The following CDH4 variants were observed in gnomAD, a reference collection of about 807,000 sequenced individuals.
The protein encoded by CDH4 is cadherin 4, also known as cadherin-4.
CDH4 carries 33 observed loss-of-function variants against 86.0 expected under a neutral mutation model. The observed-to-expected ratio is 0.38, with a 90% CI of 0.29 to 0.51. The LOEUF (loss-of-function observed/expected upper bound fraction) is 0.51. CDH4 is among the 20% of genes least tolerant of loss of function. The probability of loss-of-function intolerance (pLI) is 0.86; values close to 1 mark genes in which losing one functional copy is unlikely to be tolerated. For missense variants in CDH4, 1,114 were observed against 1,307.4 expected, an observed-to-expected ratio of 0.85 and a Z score of 2.28; for synonymous variants, 555 against 549.4, an observed-to-expected ratio of 1.01 and a Z score of -0.14.
At chr20:61,320,251 G>A (rs777739147) in intron 2 of CDH4, among the ~76,000 whole-genome samples, 3 of 152,118 alleles carry the variant, frequency 2.0e-5, no homozygotes, top group Non-Finnish European at 2.9e-5. Context: ...TTCTCCCTGC[G>A]TTCCTTGTTT....
At position 61,663,912 on chromosome 20, in the gene CDH4, C is replaced by T. The variant is rs139980483; in HGVS notation, c.170-79651C>T. ...CCGCTGGCGCCAGCATCTGTGCCCG[C>T]GGCAGTTTAGAGTGACACTGTCCTC... On this transcript the variant is annotated intron_variant, in intron 2 of 15. Coordinates refer to ENST00000614565, the MANE Select transcript of CDH4 (RefSeq NM_001794.5). This position sits in a 1 kb window ranked among gnomAD's most constrained non-coding sequence, Gnocchi z 5.0. Among the ~76,000 whole-genome samples, 138 of 152,284 alleles carry T rather than the reference C, an allele frequency of 9.1e-4. No homozygotes were observed. The highest frequency in any genetic ancestry group is 1.6e-3 in the Non-Finnish European group (112 of 68,010).
At chr20:61,743,138 A>G (rs6061789) in intron 2 of CDH4, among the ~76,000 whole-genome samples, 110,810 of 152,172 alleles carry the variant, frequency 0.73, 41,007 homozygotes, top group African/African-American at 0.85. Flanking sequence ...GTGGAAAAAC[A>G]GGTCCATTAG....
In CDH4 at chr20:61,783,106, A is replaced by G. The variant is rs114942711; in HGVS notation, c.576+9924A>G. 9.9e-3 allele frequency among the ~76,000 whole-genome samples: 1,514 copies of G among 152,330 alleles called. 23 individuals are homozygous for G. Among genetic ancestry groups the G allele is most frequent in the African/African-American group, 0.034 (1,433 of 41,562 alleles). ...TTTCAAAAAAAAAGAATTTCTTTATATATGCGTCAATGAAAACTGTTAGTC... is the reference window on the plus strand; with the variant it reads ...TTTCAAAAAAAAAGAATTTCTTTATGTATGCGTCAATGAAAACTGTTAGTC... On this transcript the variant is annotated intron_variant, in intron 4 of 15. Coordinates refer to ENST00000614565, the MANE Select transcript of CDH4 (RefSeq NM_001794.5).
intron 2 of CDH4, among the ~76,000 whole-genome samples, chr20:61,349,913 G>A (rs1032856033): frequency 2.6e-5 from 4 of 152,172 alleles, no homozygotes; most frequent in South Asian, 2.1e-4. Context: ...CCATTCGAGC[G>A]AGTGGTGGCC....
chr20:61,593,786 A>AC (rs960160064), intron 2 of CDH4, among the ~76,000 whole-genome samples: 2 of 150,210 alleles, frequency 1.3e-5, no homozygotes, highest in Non-Finnish European at 3.0e-5. Flanking sequence ...ACATAGTAGA[A>AC]CCCCCTGGGG....
intron 4 of CDH4, among the ~76,000 whole-genome samples, chr20:61,817,830 T>C (rs1334978013): frequency 6.6e-6 from 1 of 152,144 alleles, no homozygotes; most frequent in African/African-American, 2.4e-5. Context: ...GCCAACGCAC[T>C]GCGAATGCCT....
chr20:61,559,048 G>C (rs1028008728), intron 2 of CDH4, among the ~76,000 whole-genome samples: 3 of 152,250 alleles, frequency 2.0e-5, no homozygotes, highest in African/African-American at 7.2e-5. Flanking sequence ...GCCGGGCGCA[G>C]TGGCTCACAC....
chr20:61,744,437 A>G (rs2088385202), intron 3 of CDH4, among the ~76,000 whole-genome samples: 1 of 74,496 alleles, frequency 1.3e-5, no homozygotes, highest in Non-Finnish European at 2.6e-5. Context: ...AAAGGGAGGG[A>G]GAGGAAGAGA....
At chr20:61,285,145 C>G (rs1207629540) in intron 2 of CDH4, among the ~76,000 whole-genome samples, 1 of 152,200 alleles carries the variant, frequency 6.6e-6, no homozygotes, top group Non-Finnish European at 1.5e-5. Context: ...GGCCGACAGC[C>G]AAGGCTCTAA....
At chr20:61,341,061 C>A (rs6071587) in intron 2 of CDH4, among the ~76,000 whole-genome samples, 1 of 152,024 alleles carries the variant, frequency 6.6e-6, no homozygotes, top group Non-Finnish European at 1.5e-5. Context: ...AACCCTTCCT[C>A]ACCTCCTTCC....
chr20:61,530,938 G>C (rs1263573809), intron 2 of CDH4, among the ~76,000 whole-genome samples: 2 of 152,182 alleles, frequency 1.3e-5, no homozygotes, highest in African/African-American at 4.8e-5. Context: ...CGAGGCCCTG[G>C]CTGTCAGGAC....
intron 3 of CDH4, among the ~76,000 whole-genome samples, chr20:61,747,399 G>A (rs1307453216): frequency 6.8e-6 from 1 of 147,520 alleles, no homozygotes; most frequent in African/African-American, 2.5e-5. Context: ...AGTGAGCCGA[G>A]TGAGCCACCG....
rs1286121824 is a variant in CDH4 at position 61,518,815 on chromosome 20, C to T, written c.170-224748C>T. Among the ~76,000 whole-genome samples, 1 of 151,986 alleles carries T rather than the reference C, an allele frequency of 6.6e-6. No homozygotes were observed. The highest frequency in any genetic ancestry group is 1.9e-4 in the East Asian group (1 of 5,190). On this transcript the variant is annotated intron_variant, in intron 2 of 15. Transcript: ENST00000614565. The surrounding 1 kb of genome is among the most constrained non-coding windows in gnomAD (Gnocchi z 6.3). ...TTCATTCATCCATCCACCCATCATC[C>T]ATCCATTAATCCATCATTCATCCAT... is the stretch of plus-strand genomic sequence containing the variant.
At chr20:61,547,686 G>A (rs944713522) in intron 2 of CDH4, among the ~76,000 whole-genome samples, 6 of 152,094 alleles carry the variant, frequency 3.9e-5, no homozygotes, top group African/African-American at 9.7e-5. Flanking sequence ...GAATGTTCCC[G>A]AGCTCCTGCC....
At chr20:61,600,230 T>G (rs1378942576) in intron 2 of CDH4, among the ~76,000 whole-genome samples, 1 of 152,182 alleles carries the variant, frequency 6.6e-6, no homozygotes, top group Non-Finnish European at 1.5e-5. Context: ...TGAAGAATGT[T>G]ATGGAGACAG....
chr20:61,298,299 G>A (rs1288090794), intron 2 of CDH4, among the ~76,000 whole-genome samples: 1 of 152,152 alleles, frequency 6.6e-6, no homozygotes, highest in African/African-American at 2.4e-5. Flanking sequence ...TTGAGTGTGT[G>A]TAATTCTCGG....
chr20:61,934,281 G>A, intron 15 of CDH4, 61 bp downstream of exon 15: 2 of 1,478,004 alleles, frequency 1.4e-6, no homozygotes, highest in South Asian at 2.7e-5. Flanking sequence ...ATTAAATTCT[G>A]GTAACACACA....
chr20:61,703,481 A>AT lies in CDH4; in HGVS notation c.170-40081dup, dbSNP rs1391362183. On this transcript the variant is annotated intron_variant, in intron 2 of 15. Transcript: ENST00000614565. The surrounding 1 kb of genome is among the most constrained non-coding windows in gnomAD (Gnocchi z 4.3). ...TTGCATTTGCAGAGTATTTAACCTAATATTGAAAAGACATCATTTGTCCCC... is the reference window on the plus strand; with the variant it reads ...TTGCATTTGCAGAGTATTTAACCTAATTATTGAAAAGACATCATTTGTCCCC... Among the ~76,000 whole-genome samples, 1 of 152,334 alleles carries AT rather than the reference A, an allele frequency of 6.6e-6. No homozygotes were observed. Among genetic ancestry groups the AT allele is most frequent in the Non-Finnish European group, 1.5e-5 (1 of 68,032 alleles).
intron 2 of CDH4, among the ~76,000 whole-genome samples, chr20:61,558,174 C>T (rs1179493332): frequency 1.3e-5 from 2 of 152,060 alleles, no homozygotes; most frequent in African/African-American, 4.8e-5. Context: ...TGTCTTTCAC[C>T]CCATTTAGCT....
Sources: gnomAD v4.1 joint callset for allele counts (sites outside exome capture counted in the v4.1 genomes callset) on GRCh38, gnomAD v4.1.1 for gene constraint, Gnocchi (gnomAD v3.1) non-coding constraint, MANE v1.5 for transcripts, NCBI Gene and HGNC (gene_info 2026-07-23, HGNC 2026-07-21) for gene names.